Variants in TSC22D4 observed in about 807,000 individuals in gnomAD.
TSC22D4 encodes the protein TSC22 domain family protein 4.
A neutral mutation model predicts 24.9 loss-of-function variants in TSC22D4; 5 were observed. The ratio of observed to expected loss-of-function variants is 0.20; its 90% CI spans 0.10 to 0.42. The LOEUF (loss-of-function observed/expected upper bound fraction) is 0.42, where lower values mean the gene tolerates loss of function less well. Ranked by LOEUF, TSC22D4 falls within the 10% of genes least tolerant of loss-of-function variation. The pLI, the probability that TSC22D4 is intolerant of heterozygous loss-of-function variation, is 1.00. For synonymous variants in TSC22D4, 245 were observed against 243.2 expected (o/e 1.01, Z -0.07); for missense variants, 469 against 547.9 (o/e 0.86, Z 1.44).
At position 100,474,447 on chromosome 7, in the gene TSC22D4, G is replaced by T. The variant is rs1376133143; in HGVS notation, c.763-7C>A. ...GAGAGTCAAGTGGGGGCACCTGGAGGCGGAGAGGTAGGAACCATCACATGA... is the reference window on the plus strand; with the variant it reads ...GAGAGTCAAGTGGGGGCACCTGGAGTCGGAGAGGTAGGAACCATCACATGA... On this transcript the variant is annotated splice_region_variant and splice_polypyrimidine_tract_variant and intron_variant, in intron 2 of 4. Transcript: ENST00000300181. This position sits in a 1 kb window ranked among gnomAD's most constrained non-coding sequence, Gnocchi z 4.3. 6.2e-7 allele frequency: 1 copy of T among 1,613,818 alleles called. No homozygotes were observed.
intron 1 of TSC22D4, among the ~76,000 whole-genome samples, chr7:100,478,572 G>A (rs1214771866): frequency 6.6e-6 from 1 of 152,024 alleles, no homozygotes; most frequent in African/African-American, 2.4e-5. Flanking sequence ...CCAGAGTTGG[G>A]CATTTCTCGC....
chr7:100,468,046 G>A, intron 3 of TSC22D4: 1 of 431,090 alleles, frequency 2.3e-6, no homozygotes, highest in Non-Finnish European at 4.7e-6. Context: ...GGGTCTGGCT[G>A]GTGCCAGGCA....
intron 3 of TSC22D4, among the ~76,000 whole-genome samples, chr7:100,473,203 C>T (rs574091466): frequency 3.0e-4 from 45 of 152,262 alleles, no homozygotes; most frequent in African/African-American, 1.1e-3. Flanking sequence ...CCCAGAAAGT[C>T]GCTCTCTGCA....
In TSC22D4 at chr7:100,474,240, C is replaced by T. The variant is rs1265299102; in HGVS notation, c.929+34G>A. The T allele has an allele frequency of 6.2e-7, 1 of 1,607,770 alleles. No homozygotes were observed. Among genetic ancestry groups the T allele is most frequent in the Non-Finnish European group, 8.5e-7 (1 of 1,175,312 alleles). On this transcript the variant is annotated intron_variant, in intron 3 of 4. Coordinates refer to ENST00000300181, the MANE Select transcript of TSC22D4 (RefSeq NM_030935.5). This position sits in a 1 kb window ranked among gnomAD's most constrained non-coding sequence, Gnocchi z 4.3. ...CCGGGTGCTGGGCGGGGAACCTGAA[C>T]CCCACGCCCCACCACCCCACGAAGC... is the stretch of plus-strand genomic sequence containing the variant.
intron 3 of TSC22D4, among the ~76,000 whole-genome samples, chr7:100,471,198 T>G (rs1799384547): frequency 9.9e-6 from 1 of 101,134 alleles, no homozygotes; most frequent in Non-Finnish European, 1.8e-5. Context: ...CCCGGATCTG[T>G]GGTGTCTTTG....
chr7:100,469,893 T>C (rs1199330635), intron 3 of TSC22D4, among the ~76,000 whole-genome samples: 1 of 151,124 alleles, frequency 6.6e-6, no homozygotes, highest in Non-Finnish European at 1.5e-5. Flanking sequence ...ATCCCAGCTC[T>C]GGGTGCAGAA....
intron 2 of TSC22D4, among the ~76,000 whole-genome samples, chr7:100,476,119 G>C (rs996495773): frequency 3.9e-5 from 6 of 151,930 alleles, no homozygotes; most frequent in Non-Finnish European, 8.8e-5. Context: ...ACAGAGAGCA[G>C]GGAAGCTGGA....
In TSC22D4 at chr7:100,477,203, G is replaced by T. The variant is rs1310397531; in HGVS notation, c.762+74C>A. ...ATGGAGAAGGAGGAGGAGAGGGGGG[G>T]GAGGAGGAGGAAGGAGGCTCAAGAT... On this transcript the variant is annotated intron_variant, in intron 2 of 4. Transcript: ENST00000300181. This position sits in a 1 kb window ranked among gnomAD's most constrained non-coding sequence, Gnocchi z 7.8. 5.1e-6 allele frequency: 6 copies of T among 1,179,822 alleles called. No individual in the cohort carries two copies. Among genetic ancestry groups the T allele is most frequent in the Admixed American group, 5.6e-5 (2 of 35,988 alleles). The allele number at this position is 1,179,822 out of a possible 1,614,324, so 73.1% of individuals were successfully genotyped here.
intron 2 of TSC22D4, among the ~76,000 whole-genome samples, chr7:100,475,586 C>T (rs1357844143): frequency 6.6e-6 from 1 of 152,192 alleles, no homozygotes; most frequent in East Asian, 1.9e-4. Context: ...ACTGCTCCTC[C>T]ATCCCCTCAC....
chr7:100,467,893 G>A, intron 3 of TSC22D4: 1 of 608,502 alleles, frequency 1.6e-6, no homozygotes, highest in Non-Finnish European at 3.2e-6. Flanking sequence ...CACCACTCGG[G>A]TCTCATAAGA....
chr7:100,466,658 G>A lies in TSC22D4; in HGVS notation c.*301C>T, dbSNP rs1332455939. Reference sequence around the variant, plus strand: ...CAAGGGAACAAGATGGGGGTGGGGTGTCTGCCGGGGAGCCTCCGACTCCCC... The same window carrying A: ...CAAGGGAACAAGATGGGGGTGGGGTATCTGCCGGGGAGCCTCCGACTCCCC... On this transcript the variant is annotated 3_prime_UTR_variant, in exon 5 of 5. Coordinates refer to ENST00000300181, the MANE Select transcript of TSC22D4 (RefSeq NM_030935.5). The A allele has an allele frequency of 2.6e-5, 11 of 420,900 alleles. No individual in the cohort carries two copies. The highest frequency in any genetic ancestry group is 4.2e-5 in the Non-Finnish European group (10 of 235,460). The allele number at this position is 420,900 out of a possible 1,614,324, so 26.1% of individuals were successfully genotyped here.
chr7:100,467,058 C>T lies in TSC22D4; in HGVS notation c.1089G>A (p.Gly363=). Residue 363 remains glycine, a synonymous_variant, in exon 5 of 5, where the codon GGG becomes GGA. Transcript: ENST00000300181. ...ERNAALEQEN[G]LLRALASPEQ... ...CCGGGCTGGCCAGGGCGCGCAGCAG[C>T]CCATTCTCCTGCTCCAGCGCAGCGT... 1 of 1,613,936 alleles carries T rather than the reference C, an allele frequency of 6.2e-7. No homozygotes were observed. The highest frequency in any genetic ancestry group is 8.5e-7 in the Non-Finnish European group (1 of 1,179,956).
Position 100,478,116 on chromosome 7 carries a change from A to C in TSC22D4, c.-78T>G. 2.4e-6 allele frequency: 3 copies of C among 1,273,436 alleles called. No individual in the cohort carries two copies. The highest frequency in any genetic ancestry group is 3.2e-6 in the Non-Finnish European group (3 of 935,008). 78.9% of individuals were successfully genotyped at this position (1,273,436 alleles called of 1,614,324 possible). ...GAAGGGGCTCAGGCACCCCTGGAAC[A>C]AGGGGGCCACATGGCGGGGACATCC... On this transcript the variant is annotated 5_prime_UTR_variant, in exon 2 of 5. Coordinates refer to ENST00000300181, the MANE Select transcript of TSC22D4 (RefSeq NM_030935.5).
rs34666277 is a variant in TSC22D4, at chr7:100,466,997, G to A, written c.1150C>T (p.Arg384Trp). The A allele has an allele frequency of 6.3e-3, 10,012 of 1,599,436 alleles. 41 individuals are homozygous for A. Among genetic ancestry groups the A allele is most frequent in the South Asian group, 8.6e-3 (775 of 89,704 alleles). The change falls in exon 5 of 5, where the codon CGG becomes TGG. Residue 384 changes from arginine (R) to tryptophan (W), a missense_variant. Physicochemically the swap from Arg to Trp is moderately radical, Grantham distance 101 (BLOSUM62 -3). Transcript: ENST00000300181. ...LAQLPSSGVP[R>W]LGPPAPNGPS... is the part of the protein sequence containing the mutation. ...CCATTGGGCGCAGGGGGCCCAAGCC[G>A]TGGGACCCCCGAGGAGGGCAGCTGA... is the stretch of plus-strand genomic sequence containing the variant.
Position 100,472,612 on chromosome 7 carries a change from C to A in TSC22D4, c.929+1662G>T, listed in dbSNP as rs180815064. Among the ~76,000 whole-genome samples the A allele has an allele frequency of 2.1e-3, 312 of 152,144 alleles. 3 individuals are homozygous for A. Among genetic ancestry groups the A allele is most frequent in the African/African-American group, 7.1e-3 (296 of 41,492 alleles). On this transcript the variant is annotated intron_variant, in intron 3 of 4. Coordinates refer to ENST00000300181, the MANE Select transcript of TSC22D4 (RefSeq NM_030935.5). ...GAAACGCTGAGAATAGCAGTGATGG[C>A]GGCAGGTGACTCTCCCAGCCCTGGC... is the stretch of plus-strand genomic sequence containing the variant.
chr7:100,477,823 G>A lies in TSC22D4; in HGVS notation c.216C>T (p.Phe72=), dbSNP rs1273679524. ...SPPPGAPSSR[F]RVVKLPHGLG... is the part of the protein sequence containing the mutation. The stretch of plus-strand genomic sequence containing the variant: ...GGCCGTGGGGCAGCTTCACCACCCG[G>A]AAACGGGAGGAAGGGGCCCCAGGTG... The change falls in exon 2 of 5, where the codon TTC becomes TTT. Residue 72 remains phenylalanine, a synonymous_variant. Transcript: ENST00000300181. This position sits in a 1 kb window ranked among gnomAD's most constrained non-coding sequence, Gnocchi z 7.8. 1.2e-6 allele frequency: 2 copies of A among 1,605,202 alleles called. No individual in the cohort carries two copies. Among genetic ancestry groups the A allele is most frequent in the African/African-American group, 2.7e-5 (2 of 74,874 alleles).
rs35439211 is a variant in TSC22D4, at chr7:100,478,350, A to AGTGTGTGT, written c.-269-51_-269-44dup. 3.6e-3 allele frequency: 303 copies of AGTGTGTGT among 83,728 alleles called. 7 individuals carry two copies. Among genetic ancestry groups the AGTGTGTGT allele is most frequent in the East Asian group, 8.6e-3 (23 of 2,672 alleles). 5.2% of individuals were successfully genotyped at this position (83,728 alleles called of 1,614,324 possible). On this transcript the variant is annotated intron_variant, in intron 1 of 4. Transcript: ENST00000300181. ...GAGAGAGAGAGAGAGAGAGAGAGAGAGTGTGTGTGTGTGTGTGTGTGTGTG... is the reference window on the plus strand; with the variant it reads ...GAGAGAGAGAGAGAGAGAGAGAGAGAGTGTGTGTGTGTGTGTGTGTGTGTGTGTGTGTG...
intron 2 of TSC22D4, among the ~76,000 whole-genome samples, chr7:100,476,881 C>T (rs1799505764): frequency 6.6e-6 from 1 of 152,132 alleles, no homozygotes; most frequent in African/African-American, 2.4e-5. Flanking sequence ...TACTTTTCCT[C>T]CCCAAATCCT....
rs552251212 is a variant in TSC22D4, at chr7:100,474,464, A to G, written c.763-24T>C. The G allele has an allele frequency of 5.0e-6, 8 of 1,612,690 alleles. No individual in the cohort carries two copies. The highest frequency in any genetic ancestry group is 2.7e-5 in the African/African-American group (2 of 74,966). On this transcript the variant is annotated intron_variant, in intron 2 of 4. Coordinates refer to ENST00000300181, the MANE Select transcript of TSC22D4 (RefSeq NM_030935.5). The surrounding 1 kb of genome is among the most constrained non-coding windows in gnomAD (Gnocchi z 4.3). ...ACCTGGAGGCGGAGAGGTAGGAACC[A>G]TCACATGAAAAGAGAAAAGAAAGGA... is the stretch of plus-strand genomic sequence containing the variant.
Sources: gnomAD v4.1 joint callset for allele counts (sites outside exome capture counted in the v4.1 genomes callset) on GRCh38, gnomAD v4.1.1 for gene constraint, Gnocchi (gnomAD v3.1) non-coding constraint, MANE v1.5 for transcripts, NCBI Gene and HGNC (gene_info 2026-07-23, HGNC 2026-07-21) for gene names.